Variants in WDR72 observed in about 807,000 individuals in gnomAD.
The protein encoded by WDR72 is WD repeat-containing protein 72.
A neutral mutation model predicts 124.2 loss-of-function variants in WDR72; 120 were observed. That is an observed-to-expected ratio of 0.97 (90% CI 0.83 to 1.12). WDR72 has a LOEUF of 1.12. Among genes scored for constraint, WDR72 ranks in the 50% most tolerant of loss-of-function variants. The pLI is 0.00. For missense variants in WDR72, 1,387 were observed against 1,278.8 expected (o/e 1.08, Z -1.29); for synonymous variants, 452 against 441.7 (o/e 1.02, Z -0.29).
At chr15:53,638,900 G>A (rs1050127075) in intron 14 of WDR72, among the ~76,000 whole-genome samples, 5 of 151,984 alleles carry the variant, frequency 3.3e-5, no homozygotes, top group Admixed American at 2.6e-4. Flanking sequence ...CTACTTGGGA[G>A]GCAGAGGCAG....
chr15:53,606,610 T>C (rs925750089), intron 17 of WDR72, among the ~76,000 whole-genome samples: 2 of 152,228 alleles, frequency 1.3e-5, no homozygotes, highest in Non-Finnish European at 2.9e-5. Context: ...GGTAATGTGA[T>C]GATGACTAGA....
chr15:53,732,785 T>C (rs975527821), intron 2 of WDR72, among the ~76,000 whole-genome samples: 2 of 152,212 alleles, frequency 1.3e-5, no homozygotes, highest in Non-Finnish European at 2.9e-5. Context: ...TAGCTAAGAT[T>C]AGCAATATTC....
chr15:53,734,586 A>G (rs1163614670), intron 1 of WDR72, among the ~76,000 whole-genome samples: 1 of 152,166 alleles, frequency 6.6e-6, no homozygotes, highest in Non-Finnish European at 1.5e-5. Context: ...ACTAAGAGAA[A>G]CCAGAAAACC....
chr15:53,757,144 A>G (rs557837930), intron 1 of WDR72, among the ~76,000 whole-genome samples: 59 of 152,314 alleles, frequency 3.9e-4, no homozygotes, highest in Non-Finnish European at 7.4e-4. Flanking sequence ...AGGACTTCAA[A>G]GCTGACCTGG....
At chr15:53,611,883 T>A (rs938399469) in intron 16 of WDR72, among the ~76,000 whole-genome samples, 1 of 152,080 alleles carries the variant, frequency 6.6e-6, no homozygotes, top group Non-Finnish European at 1.5e-5. Context: ...AATAATAAAC[T>A]CTCACTTGAA....
chr15:53,609,683 A>G (rs899262082), intron 16 of WDR72, 91 bp from the exon 17 acceptor site: 1 of 1,122,952 alleles, frequency 8.9e-7, no homozygotes, highest in Non-Finnish European at 1.3e-6. Flanking sequence ...TCACCTGGGA[A>G]GCTTTGTTTT....
chr15:53,674,499 G>C (rs1484711038), intron 13 of WDR72, among the ~76,000 whole-genome samples: 2 of 152,146 alleles, frequency 1.3e-5, no homozygotes, highest in African/African-American at 4.8e-5. Context: ...ACTGATGGGG[G>C]TTCCCACCAC....
intron 11 of WDR72, among the ~76,000 whole-genome samples, chr15:53,703,724 C>T (rs757473680): frequency 1.3e-5 from 2 of 152,104 alleles, no homozygotes; most frequent in Non-Finnish European, 2.9e-5. Context: ...CTTCCTTCAT[C>T]ATTAGCTAAA....
chr15:53,614,582 A>T (rs953217795), intron 15 of WDR72, among the ~76,000 whole-genome samples: 2 of 152,208 alleles, frequency 1.3e-5, no homozygotes, highest in Admixed American at 1.3e-4. Flanking sequence ...AAGCTTCCCT[A>T]AAGTGCACCA....
rs774365556 is a variant in WDR72 at position 53,715,349 on chromosome 15, G to A, written c.358C>T (p.Arg120Trp). The A allele has an allele frequency of 2.1e-5, 34 of 1,613,938 alleles. No homozygotes were observed. In the Admixed American group the frequency reaches 3.5e-4, roughly 17 times the overall value. ...AGAAGCCAGCCTTCTCCTGTCATCCGGAATGAGCAGTGGTAATACTACGTA... is the reference window on the plus strand; with the variant it reads ...AGAAGCCAGCCTTCTCCTGTCATCCAGAATGAGCAGTGGTAATACTACGTA... ...TAICYYHCSFRMTGEGWLLCC... is the reference protein window; with the variant it reads ...TAICYYHCSFWMTGEGWLLCC... Residue 120 changes from arginine to tryptophan, a missense_variant, in exon 5 of 20, where the codon CGG becomes TGG. Arg to Trp is a moderately radical substitution (Grantham distance 101). Coordinates refer to ENST00000360509, the MANE Select transcript of WDR72 (RefSeq NM_182758.4).
At chr15:53,751,991 G>A (rs1342901880) in intron 1 of WDR72, among the ~76,000 whole-genome samples, 1 of 152,008 alleles carries the variant, frequency 6.6e-6, no homozygotes, top group Non-Finnish European at 1.5e-5. Context: ...ATTATCAGAA[G>A]GTTTTTCAAA....
intron 1 of WDR72, among the ~76,000 whole-genome samples, chr15:53,735,133 A>C (rs1379539214): frequency 3.3e-5 from 5 of 152,130 alleles, no homozygotes; most frequent in Admixed American, 3.3e-4. Context: ...CTCTCTACTA[A>C]AAATACAAAA....
chr15:53,644,089 C>A (rs192516335), intron 14 of WDR72, among the ~76,000 whole-genome samples: 4 of 152,086 alleles, frequency 2.6e-5, no homozygotes, highest in African/African-American at 9.7e-5. Context: ...TTGATGAAAA[C>A]AGTGTATCCA....
intron 18 of WDR72, among the ~76,000 whole-genome samples, chr15:53,540,717 C>T (rs530452529): frequency 1.1e-3 from 168 of 152,270 alleles, no homozygotes; most frequent in African/African-American, 2.6e-3. Context: ...GATTTCTGCA[C>T]TTCCATCTGA....
chr15:53,685,302 G>T (rs1351256435), intron 13 of WDR72, among the ~76,000 whole-genome samples: 1 of 135,162 alleles, frequency 7.4e-6, no homozygotes, highest in Non-Finnish European at 1.6e-5. Context: ...CAAAGAAGTT[G>T]AAAACTTTGA....
chr15:53,531,429 T>C (rs1892462146), intron 18 of WDR72, among the ~76,000 whole-genome samples: 1 of 152,064 alleles, frequency 6.6e-6, no homozygotes, highest in South Asian at 2.1e-4. Context: ...AGGCACTCAT[T>C]TAAAAGTATT....
At chr15:53,713,696 G>C (rs1054960300) in intron 6 of WDR72, among the ~76,000 whole-genome samples, 3 of 151,938 alleles carry the variant, frequency 2.0e-5, no homozygotes, top group African/African-American at 7.3e-5. Flanking sequence ...GACCTCTGGT[G>C]ATCCGCTCGC....
chr15:53,615,600 T>C lies in WDR72; in HGVS notation c.2606A>G (p.Asp869Gly), dbSNP rs762791472. ...GVNLFSRKVL[D>G]LSDKYTATLP... ...AGTGGCTGTGTATTTATCTGACAAGTCCAAAACTTTCCTGGAAAATAAATT... is the reference window on the plus strand; with the variant it reads ...AGTGGCTGTGTATTTATCTGACAAGCCCAAAACTTTCCTGGAAAATAAATT... Residue 869 changes from aspartate (D) to glycine (G), a missense_variant, in exon 15 of 20, where the codon GAC (aspartate) becomes GGC (glycine). Physicochemically the swap from Asp to Gly is moderately conservative, Grantham distance 94 (BLOSUM62 -1). Coordinates refer to ENST00000360509, the MANE Select transcript of WDR72 (RefSeq NM_182758.4). The C allele has an allele frequency of 8.7e-6, 14 of 1,612,862 alleles. No homozygotes were observed. The South Asian group carries it at 1.5e-4, about 18-fold the overall frequency.
intron 1 of WDR72, among the ~76,000 whole-genome samples, chr15:53,756,321 A>C (rs2018905415): frequency 6.6e-6 from 1 of 152,206 alleles, no homozygotes; most frequent in Non-Finnish European, 1.5e-5. Flanking sequence ...CCAGGATTGT[A>C]AGTTTCCTGA....
Sources: gnomAD v4.1 joint callset for allele counts (sites outside exome capture counted in the v4.1 genomes callset) on GRCh38, gnomAD v4.1.1 for gene constraint, MANE v1.5 for transcripts, NCBI Gene and HGNC (gene_info 2026-07-23, HGNC 2026-07-21) for gene names.